The following SYNE1 variants were observed in gnomAD, a reference collection of about 807,000 sequenced individuals.
SYNE1 encodes the protein spectrin repeat containing nuclear envelope protein 1.
SYNE1 carries 616 observed loss-of-function variants against 1,111.0 expected under a neutral mutation model. That is an observed-to-expected ratio of 0.55 (90% CI 0.52 to 0.59). The LOEUF (loss-of-function observed/expected upper bound fraction) is 0.59, where lower values mean the gene tolerates loss of function less well. Among genes scored for constraint, SYNE1 ranks in the 20% least tolerant of loss-of-function variants. SYNE1 has a pLI of 0.00. For missense variants in SYNE1, 10,006 were observed against 10,417.0 expected (o/e 0.96, Z 1.72); for synonymous variants, 3,855 against 3,825.8 (o/e 1.01, Z -0.28).
chr6:152,441,042 C>T, intron 32 of SYNE1, 88 bp downstream of exon 32: 4 of 1,491,064 alleles, frequency 2.7e-6, no homozygotes, highest in Non-Finnish European at 3.7e-6. Flanking sequence ...TTAACAATAA[C>T]AATTAATAGT....
intron 3 of SYNE1, among the ~76,000 whole-genome samples, chr6:152,590,601 A>G (rs1219448130): frequency 6.6e-6 from 1 of 152,172 alleles, no homozygotes. Flanking sequence ...TAATAGTCTT[A>G]TCTTTGTGGG....
intron 10 of SYNE1, among the ~76,000 whole-genome samples, chr6:152,499,736 A>G (rs534816643): frequency 2.2e-4 from 34 of 152,336 alleles, no homozygotes; most frequent in African/African-American, 8.2e-4. Context: ...TACATGACAA[A>G]TGCCACTAAA....
chr6:152,206,203 C>T lies in SYNE1; in HGVS notation c.22984G>A (p.Glu7662Lys), dbSNP rs2076479233. The T allele has an allele frequency of 6.2e-7, 1 of 1,613,698 alleles. No individual in the cohort carries two copies. The highest frequency in any genetic ancestry group is 8.5e-7 in the Non-Finnish European group (1 of 1,180,002). Residue 7662 changes from glutamate to lysine, a missense_variant, in exon 126 of 146, where the codon GAA becomes AAA. Transcript: ENST00000367255. ...EKWKSASMRL[E>K]EQKKKLAFLL... is the part of the protein sequence containing the mutation. ...AAGGCTAGTTTTTTCTTCTGTTCTTCCAGCCGCATGCTGGCTGATTTCCAT... is the reference window on the plus strand; with the variant it reads ...AAGGCTAGTTTTTTCTTCTGTTCTTTCAGCCGCATGCTGGCTGATTTCCAT...
In SYNE1 at chr6:152,177,963, T is replaced by C. The variant is rs1304740435; in HGVS notation, c.23461-1403A>G. On this transcript the variant is annotated intron_variant, in intron 129 of 145. Coordinates refer to ENST00000367255, the MANE Select transcript of SYNE1 (RefSeq NM_182961.4). The stretch of plus-strand genomic sequence containing the variant: ...CCCAGTTGACAACTGCCTTTTTCTA[T>C]GTTGCCAAAATTACCAAACCTTGAT... Among the ~76,000 whole-genome samples, 4 of 152,174 alleles carry C rather than the reference T, an allele frequency of 2.6e-5. No homozygotes were observed. In the East Asian group the frequency reaches 5.8e-4, roughly 22 times the overall value.
intron 4 of SYNE1, among the ~76,000 whole-genome samples, chr6:152,530,309 A>T (rs944278872): frequency 6.6e-6 from 1 of 152,226 alleles, no homozygotes; most frequent in Non-Finnish European, 1.5e-5. Context: ...CAACAAAATG[A>T]GGCACAACTG....
At chr6:152,426,250 A>G (rs1350543676) in intron 38 of SYNE1, among the ~76,000 whole-genome samples, 1 of 152,264 alleles carries the variant, frequency 6.6e-6, no homozygotes, top group Non-Finnish European at 1.5e-5. Context: ...GATAGTAGAT[A>G]CTTGTCAAAA....
At chr6:152,180,340 G>A (rs1187484114) in intron 128 of SYNE1, 46 bp from the exon 129 acceptor site, 1 of 1,586,198 alleles carries the variant, frequency 6.3e-7, no homozygotes, top group Admixed American at 1.7e-5. Flanking sequence ...TTATCAGAGA[G>A]AAGACCACAC....
At chr6:152,377,793 C>T (rs993471661) in intron 56 of SYNE1, among the ~76,000 whole-genome samples, 21 of 151,108 alleles carry the variant, frequency 1.4e-4, no homozygotes, top group African/African-American at 5.1e-4. Flanking sequence ...TTCATAGTTT[C>T]ATTCATAAAG....
At chr6:152,457,203 T>A (rs1182942271) in intron 22 of SYNE1, among the ~76,000 whole-genome samples, 2 of 148,844 alleles carry the variant, frequency 1.3e-5, no homozygotes, top group Admixed American at 1.3e-4. Flanking sequence ...TGCCACTTAT[T>A]ATATGCTAGT....
At chr6:152,250,966 T>C (rs2089016749) in intron 104 of SYNE1, among the ~76,000 whole-genome samples, 1 of 152,206 alleles carries the variant, frequency 6.6e-6, no homozygotes. Flanking sequence ...TTGTTTTGTT[T>C]TGAGACAGAG....
intron 74 of SYNE1, among the ~76,000 whole-genome samples, chr6:152,341,126 A>G (rs564388238): frequency 1.3e-5 from 2 of 152,148 alleles, no homozygotes; most frequent in Non-Finnish European, 2.9e-5. Flanking sequence ...ATAAACACAG[A>G]TCAATTTCCC....
At chr6:152,369,355 A>G in intron 60 of SYNE1, 116 bp downstream of exon 60, 1 of 1,504,716 alleles carries the variant, frequency 6.6e-7, no homozygotes, top group South Asian at 1.2e-5. Flanking sequence ...GGAAAAACAC[A>G]CTATGTCTCA....
At chr6:152,130,098 G>A (rs1159731602) in intron 145 of SYNE1, among the ~76,000 whole-genome samples, 2 of 152,136 alleles carry the variant, frequency 1.3e-5, no homozygotes, top group African/African-American at 4.8e-5. Flanking sequence ...GGCACTGGCT[G>A]CTGCGGGTTC....
intron 14 of SYNE1, among the ~76,000 whole-genome samples, chr6:152,480,049 A>G (rs2098876585): frequency 6.6e-6 from 1 of 152,228 alleles, no homozygotes; most frequent in Admixed American, 6.5e-5. Flanking sequence ...TTTTAGACCA[A>G]GATGGGAAGA....
rs548447236 is a variant in SYNE1 at position 152,589,371 on chromosome 6, T to C, written c.67+38894A>G. On this transcript the variant is annotated intron_variant, in intron 3 of 145. Transcript: ENST00000367255. ...TTTCTACCATGAAATTTAATATAAA[T>C]ATTCTTTATTTTAAAGTCTTATTTT... is the stretch of plus-strand genomic sequence containing the variant. Among the ~76,000 whole-genome samples the C allele has an allele frequency of 6.6e-5, 10 of 152,330 alleles. No homozygotes were observed. In the East Asian group the frequency reaches 1.9e-3, roughly 29 times the overall value.
Position 152,387,220 on chromosome 6 carries a change from A to C in SYNE1, c.8339T>G (p.Leu2780Arg). ...TCTCGTGTGATCTTCTGCCTCAGAC[A>C]GGATGGACTGGAGGTGGTCAAGCAG... is the stretch of plus-strand genomic sequence containing the variant. ...FVLLDHLQSI[L>R]SEAEDHTRAL... Residue 2780 changes from leucine (L) to arginine (R), a missense_variant, in exon 54 of 146, where the codon CTG becomes CGG. Transcript: ENST00000367255. The C allele has an allele frequency of 6.2e-7, 1 of 1,614,164 alleles. No individual in the cohort carries two copies. The highest frequency in any genetic ancestry group is 2.2e-5 in the East Asian group (1 of 44,878).
At chr6:152,175,062 T>C (rs1042502239) in intron 130 of SYNE1, among the ~76,000 whole-genome samples, 1 of 152,088 alleles carries the variant, frequency 6.6e-6, no homozygotes, top group Non-Finnish European at 1.5e-5. Flanking sequence ...GGTGTGGTAG[T>C]GTATGCCTGT....
At position 152,236,833 on chromosome 6, in the gene SYNE1, C is replaced by T. The variant is rs139384691; in HGVS notation, c.20183G>A (p.Arg6728His). The change falls in exon 109 of 146, where the codon CGC becomes CAC. Residue 6728 changes from arginine (R) to histidine (H), a missense_variant. Transcript: ENST00000367255. ...AACACCAACCTGGTAGAGTGTTATG[C>T]GGTCAATAAGCCTGTCCTCGTTCTC... Reference protein sequence around the residue: ...VEENEDRLIDRITLYQHLKSS... With the variant: ...VEENEDRLIDHITLYQHLKSS... 55 of 1,614,062 alleles carry T rather than the reference C, an allele frequency of 3.4e-5. No homozygotes were observed. The South Asian group carries it at 4.0e-4, about 12-fold the overall frequency.
chr6:152,503,344 A>C lies in SYNE1; in HGVS notation c.779-602T>G, dbSNP rs2099040344. On this transcript the variant is annotated intron_variant, in intron 9 of 145. Transcript: ENST00000367255. ...CCAAATTACAGTGCTTTGAGCAATC[A>C]AGCACTCTTCGAGGGAAACTCTTCG... 2.6e-5 allele frequency among the ~76,000 whole-genome samples: 4 copies of C among 152,272 alleles called. No individual in the cohort carries two copies. The South Asian group carries it at 8.3e-4, about 32-fold the overall frequency.
Sources: gnomAD v4.1 joint callset for allele counts (sites outside exome capture counted in the v4.1 genomes callset) on GRCh38, gnomAD v4.1.1 for gene constraint, MANE v1.5 for transcripts, NCBI Gene and HGNC (gene_info 2026-07-23, HGNC 2026-07-21) for gene names.